TAFA2: variants seen among roughly 807,000 people sequenced by gnomAD.
The protein encoded by TAFA2 is TAFA chemokine like family member 2, also known as chemokine-like protein TAFA-2.
A neutral mutation model predicts 18.8 loss-of-function variants in TAFA2; 7 were observed. The observed-to-expected ratio is 0.37, with a 90% CI of 0.21 to 0.70. The LOEUF (loss-of-function observed/expected upper bound fraction) is 0.70. Ranked by LOEUF, TAFA2 falls within the 30% of genes least tolerant of loss-of-function variation. The probability of loss-of-function intolerance (pLI) is 0.53; values close to 1 mark genes in which losing one functional copy is unlikely to be tolerated. For missense variants in TAFA2, 122 were observed against 158.1 expected (o/e 0.77, Z 1.23); for synonymous variants, 60 against 54.2 (o/e 1.11, Z -0.47).
At chr12:61,844,281 C>G (rs897496976) in intron 2 of TAFA2, among the ~76,000 whole-genome samples, 1 of 152,086 alleles carries the variant, frequency 6.6e-6, no homozygotes, top group Non-Finnish European at 1.5e-5. Flanking sequence ...TGACATATTT[C>G]TAAGAGGCTT....
intron 1 of TAFA2, among the ~76,000 whole-genome samples, chr12:62,151,716 G>T (rs940230294): frequency 6.6e-6 from 1 of 152,132 alleles, no homozygotes; most frequent in Non-Finnish European, 1.5e-5. Context: ...CCCCAGACTT[G>T]TGTATCTTGT....
Position 61,720,643 on chromosome 12 carries a change from G to T in TAFA2, c.385-10226C>A, listed in dbSNP as rs1486423133. The T allele has an allele frequency of 1.6e-5, 4 of 248,440 alleles. No individual in the cohort carries two copies. The East Asian group carries it at 4.3e-4, about 27-fold the overall frequency. 15.4% of individuals were successfully genotyped at this position (248,440 alleles called of 1,614,324 possible). On this transcript the variant is annotated intron_variant, in intron 4 of 4. Coordinates refer to ENST00000416284, the MANE Select transcript of TAFA2 (RefSeq NM_178539.5). ...ACTTAAATGCTAATGGTAACCACAA[G>T]AAAGAATAGGTCACAGTTAATCCTG... is the stretch of plus-strand genomic sequence containing the variant.
At chr12:62,193,111 C>G (rs1045794452), upstream of TAFA2, among the ~76,000 whole-genome samples, 1 of 152,108 alleles carries the variant, frequency 6.6e-6, no homozygotes, top group East Asian at 1.9e-4. Context: ...TCGGTTTAAG[C>G]GCTGTGCATA....
intron 4 of TAFA2, among the ~76,000 whole-genome samples, chr12:61,728,031 T>TG (rs1870254082): frequency 9.2e-6 from 1 of 108,776 alleles, no homozygotes; most frequent in African/African-American, 4.5e-5. Context: ...TTTTGAGGGT[T>TG]GTTTTTTTTT....
chr12:61,844,009 A>G (rs1169467845), intron 2 of TAFA2, among the ~76,000 whole-genome samples: 1 of 152,192 alleles, frequency 6.6e-6, no homozygotes, highest in Admixed American at 6.6e-5. Context: ...CACCTGGCTT[A>G]TAAGAGGTAA....
upstream of TAFA2, among the ~76,000 whole-genome samples, chr12:62,195,512 AC>A (rs1420459467): frequency 1.3e-5 from 2 of 151,992 alleles, no homozygotes; most frequent in Non-Finnish European, 2.9e-5. Flanking sequence ...AGGCAAAATT[AC>A]TCCTTGACCT....
At position 61,820,341 on chromosome 12, in the gene TAFA2, A is replaced by G. The variant is rs147060338; in HGVS notation, c.106+46979T>C. Among the ~76,000 whole-genome samples the G allele has an allele frequency of 2.4e-4, 36 of 152,158 alleles. No homozygotes were observed. The East Asian group carries it at 7.0e-3, about 29-fold the overall frequency. ...AAATCTGTCTCAACATATCCAAAAT[A>G]ATGTGGTAAATATAAGTTGATGTTC... On this transcript the variant is annotated intron_variant, in intron 2 of 4. Coordinates refer to ENST00000416284, the MANE Select transcript of TAFA2 (RefSeq NM_178539.5).
intron 1 of TAFA2, among the ~76,000 whole-genome samples, chr12:61,897,893 G>A (rs1274173595): frequency 1.3e-5 from 2 of 152,126 alleles, no homozygotes; most frequent in African/African-American, 4.8e-5. Flanking sequence ...CTGAGACAAG[G>A]CAAGTCCCTT....
intron 1 of TAFA2, among the ~76,000 whole-genome samples, chr12:61,972,551 G>T (rs528984338): frequency 6.6e-6 from 1 of 151,662 alleles, no homozygotes; most frequent in Non-Finnish European, 1.5e-5. Context: ...GATATGCATG[G>T]TATAGAGGAA....
chr12:61,739,885 G>A (rs1189652802), intron 4 of TAFA2, among the ~76,000 whole-genome samples: 1 of 152,042 alleles, frequency 6.6e-6, no homozygotes, highest in Non-Finnish European at 1.5e-5. Flanking sequence ...ATGTGTCTGA[G>A]AATATTCAAT....
rs755561086 is a variant in TAFA2, at chr12:61,708,582, T to A, written c.*1824A>T. ...ATTGATGCAGAAACCCCAGGGCAAC[T>A]TTTTTTTTATAATTTCATATAGTCT... On this transcript the variant is annotated 3_prime_UTR_variant, in exon 5 of 5. Transcript: ENST00000416284. 9 of 151,270 alleles carry A rather than the reference T, an allele frequency of 5.9e-5. No individual in the cohort carries two copies. The highest frequency in any genetic ancestry group is 1.0e-4 in the Non-Finnish European group (7 of 67,720). 9.4% of individuals were successfully genotyped at this position (151,270 alleles called of 1,614,324 possible).
At chr12:61,787,392 G>GTTT (rs1369066167) in intron 2 of TAFA2, among the ~76,000 whole-genome samples, 1 of 151,558 alleles carries the variant, frequency 6.6e-6, no homozygotes, top group African/African-American at 2.4e-5. Flanking sequence ...GTAGACGTAA[G>GTTT]TTTATATTCA....
intron 1 of TAFA2, among the ~76,000 whole-genome samples, chr12:62,043,768 T>C (rs1228976161): frequency 6.6e-6 from 1 of 152,182 alleles, no homozygotes; most frequent in Non-Finnish European, 1.5e-5. Flanking sequence ...ATATAATACA[T>C]GATAGTTTCA....
intron 2 of TAFA2, among the ~76,000 whole-genome samples, chr12:61,860,434 G>A (rs1019919195): frequency 1.3e-5 from 2 of 152,044 alleles, no homozygotes; most frequent in Non-Finnish European, 2.9e-5. Flanking sequence ...TTAAACTTTG[G>A]TGTACATCCT....
At chr12:62,155,840 C>A (rs1443129390) in intron 1 of TAFA2, among the ~76,000 whole-genome samples, 2 of 152,156 alleles carry the variant, frequency 1.3e-5, no homozygotes, top group Non-Finnish European at 2.9e-5. Context: ...CTATGAAAAT[C>A]TTAGAAGATA....
intron 1 of TAFA2, among the ~76,000 whole-genome samples, chr12:62,231,671 G>T (rs564018652): frequency 5.9e-5 from 9 of 152,024 alleles, no homozygotes; most frequent in African/African-American, 2.2e-4. Flanking sequence ...TAAAGATTTA[G>T]ATTGAAAAAG....
At chr12:61,930,259 C>T (rs1251107548) in intron 1 of TAFA2, among the ~76,000 whole-genome samples, 3 of 152,132 alleles carry the variant, frequency 2.0e-5, no homozygotes, top group African/African-American at 7.2e-5. Context: ...AAAGGGACTG[C>T]ATAACCATAA....
intron 4 of TAFA2, among the ~76,000 whole-genome samples, chr12:61,744,440 T>A (rs1204638587): frequency 6.6e-6 from 1 of 152,106 alleles, no homozygotes; most frequent in East Asian, 1.9e-4. Context: ...GGATGATATA[T>A]TTTTTTGCAT....
chr12:61,854,094 AT>A (rs1023423241), intron 2 of TAFA2, among the ~76,000 whole-genome samples: 1 of 152,216 alleles, frequency 6.6e-6, no homozygotes, highest in African/African-American at 2.4e-5. Context: ...GGAATTATCA[AT>A]TATTTGAGGA....
Sources: allele counts gnomAD v4.1 joint callset (sites outside exome capture counted in the v4.1 genomes callset), GRCh38; gene constraint gnomAD v4.1.1; transcripts MANE v1.5; gene names NCBI Gene and HGNC (gene_info 2026-07-23, HGNC 2026-07-21).